Variants in MGAT4C observed in about 807,000 individuals in gnomAD.
MGAT4C encodes the protein alpha-1,3-mannosyl-glycoprotein 4-beta-N-acetylglucosaminyltransferase C.
In MGAT4C, 19 loss-of-function variants were observed where a neutral mutation model predicts 40.1. The observed-to-expected ratio is 0.47, with a 90% CI of 0.33 to 0.70. MGAT4C has a LOEUF of 0.70. Among genes scored for constraint, MGAT4C ranks in the 30% least tolerant of loss-of-function variants. The probability of loss-of-function intolerance (pLI) is 0.02; values close to 1 mark genes in which losing one functional copy is unlikely to be tolerated. For synonymous variants in MGAT4C, 181 were observed against 187.1 expected, an observed-to-expected ratio of 0.97 and a Z score of 0.27; for missense variants, 491 against 563.2, an observed-to-expected ratio of 0.87 and a Z score of 1.30.
At chr12:86,348,177 T>A (rs1592724667) in intron 3 of MGAT4C, among the ~76,000 whole-genome samples, 1 of 152,300 alleles carries the variant, frequency 6.6e-6, no homozygotes, top group Middle Eastern at 3.4e-3. Flanking sequence ...TTCCACATTT[T>A]ACTTTACCTG....
chr12:86,718,995 A>T (rs763079198), intron 2 of MGAT4C, among the ~76,000 whole-genome samples: 6 of 152,194 alleles, frequency 3.9e-5, no homozygotes, highest in Non-Finnish European at 8.8e-5. Context: ...ATGTCCTCAA[A>T]AAGACTGGCA....
chr12:86,151,783 G>A (rs1370271085), intron 1 of MGAT4C, among the ~76,000 whole-genome samples: 3 of 152,248 alleles, frequency 2.0e-5, no homozygotes, highest in South Asian at 2.1e-4. Flanking sequence ...AATTGAGCAT[G>A]GCTCATAGTC....
chr12:86,408,479 C>CTCTCTCTCTCTCTATATATATATATA (rs1267344319), intron 3 of MGAT4C, among the ~76,000 whole-genome samples: 1 of 63,344 alleles, frequency 1.6e-5, no homozygotes, highest in African/African-American at 7.8e-5. Context: ...CTCTCTCTCT[C>CTCTCTCTCTCTCTATATATATATATA]TATATATATA....
At chr12:86,661,436 T>G (rs908872795) in intron 2 of MGAT4C, among the ~76,000 whole-genome samples, 1 of 151,958 alleles carries the variant, frequency 6.6e-6, no homozygotes, top group Admixed American at 6.6e-5. Context: ...TGTCATAAGG[T>G]AAAATATAAA....
chr12:86,681,655 A>T (rs1949984418), intron 2 of MGAT4C, among the ~76,000 whole-genome samples: 1 of 151,998 alleles, frequency 6.6e-6, no homozygotes, highest in South Asian at 2.1e-4. Flanking sequence ...ATTAGCAATT[A>T]TCATGTAGTT....
intron 4 of MGAT4C, among the ~76,000 whole-genome samples, chr12:86,300,243 T>C (rs759860632): frequency 2.6e-4 from 39 of 152,330 alleles, no homozygotes; most frequent in Non-Finnish European, 4.3e-4. Flanking sequence ...CACACTGTGA[T>C]GCAGGTCATC....
chr12:86,280,314 G>A (rs1180988973), intron 4 of MGAT4C, among the ~76,000 whole-genome samples: 4 of 151,706 alleles, frequency 2.6e-5, no homozygotes, highest in South Asian at 2.1e-4. Context: ...ATATATCTAC[G>A]TTCTCCAGTG....
At chr12:86,294,444 C>G (rs1429333437) in intron 4 of MGAT4C, among the ~76,000 whole-genome samples, 2 of 151,910 alleles carry the variant, frequency 1.3e-5, no homozygotes, top group African/African-American at 4.8e-5. Flanking sequence ...ATCTTCCTGT[C>G]TAGCACCACA....
intron 2 of MGAT4C, among the ~76,000 whole-genome samples, chr12:86,487,487 C>T (rs1025523094): frequency 6.6e-6 from 1 of 152,076 alleles, no homozygotes; most frequent in African/African-American, 2.4e-5. Flanking sequence ...CATAAACTTA[C>T]CAATTTAGAA....
At chr12:86,588,543 C>A (rs1961171167) in intron 2 of MGAT4C, among the ~76,000 whole-genome samples, 4 of 151,936 alleles carry the variant, frequency 2.6e-5, no homozygotes, top group Admixed American at 2.6e-4. Context: ...CAGCTCGGCA[C>A]CAAGTGGACC....
chr12:86,131,115 G>A (rs1041453606), intron 1 of MGAT4C, among the ~76,000 whole-genome samples: 1 of 152,048 alleles, frequency 6.6e-6, no homozygotes, highest in African/African-American at 2.4e-5. Context: ...GACAGATCAT[G>A]CCAATTACTA....
intron 1 of MGAT4C, among the ~76,000 whole-genome samples, chr12:86,112,199 G>T (rs1156271009): frequency 6.6e-6 from 1 of 151,794 alleles, no homozygotes; most frequent in East Asian, 1.9e-4. Context: ...GCAACATTTA[G>T]CTCTCTGTAG....
At chr12:86,412,088 T>C (rs905984647) in intron 3 of MGAT4C, among the ~76,000 whole-genome samples, 5 of 152,198 alleles carry the variant, frequency 3.3e-5, no homozygotes, top group Admixed American at 3.3e-4. Flanking sequence ...TATCTATGTA[T>C]GGAAACACCT....
At chr12:86,164,945 A>C (rs1289116381) in intron 1 of MGAT4C, among the ~76,000 whole-genome samples, 2 of 152,196 alleles carry the variant, frequency 1.3e-5, no homozygotes, top group Non-Finnish European at 2.9e-5. Flanking sequence ...TGAACTAAAA[A>C]ATTCATTTAG....
intron 2 of MGAT4C, among the ~76,000 whole-genome samples, chr12:86,477,929 A>T (rs1211889017): frequency 6.6e-6 from 1 of 152,126 alleles, no homozygotes; most frequent in African/African-American, 2.4e-5. Flanking sequence ...TTAATGTATA[A>T]AACAGTCTTC....
At chr12:86,554,214 C>G (rs1959503474) in intron 2 of MGAT4C, among the ~76,000 whole-genome samples, 1 of 151,982 alleles carries the variant, frequency 6.6e-6, no homozygotes, top group Admixed American at 6.6e-5. Context: ...TCTCATATTT[C>G]TTAAAAGTCA....
At chr12:86,264,552 C>G (rs1212735254) in intron 4 of MGAT4C, among the ~76,000 whole-genome samples, 1 of 152,144 alleles carries the variant, frequency 6.6e-6, no homozygotes, top group Non-Finnish European at 1.5e-5. Context: ...TCCGAGTTAG[C>G]TGGGCAGGAG....
chr12:86,499,891 A>G lies in MGAT4C; in HGVS notation c.-228-64626T>C, dbSNP rs545895982. 5.9e-5 allele frequency among the ~76,000 whole-genome samples: 9 copies of G among 152,096 alleles called. No homozygotes were observed. The East Asian group carries it at 1.5e-3, about 26-fold the overall frequency. Reference sequence around the variant, plus strand: ...AGCCAAAAATGAAGTTTCCAGGATCATGGAGAGAAGACAAACATATGGAAG... The same window carrying G: ...AGCCAAAAATGAAGTTTCCAGGATCGTGGAGAGAAGACAAACATATGGAAG... On this transcript the variant is annotated intron_variant, in intron 2 of 7. Coordinates refer to the MGAT4C transcript ENST00000548651.
At chr12:86,587,926 T>A (rs1961137536) in intron 2 of MGAT4C, among the ~76,000 whole-genome samples, 2 of 151,912 alleles carry the variant, frequency 1.3e-5, no homozygotes, top group Non-Finnish European at 2.9e-5. Context: ...TTTTCCTAAT[T>A]GAATACCCTT....
Sources: allele counts gnomAD v4.1 joint callset (sites outside exome capture counted in the v4.1 genomes callset), GRCh38; gene constraint gnomAD v4.1.1; transcripts MANE v1.5; gene names NCBI Gene and HGNC (gene_info 2026-07-23, HGNC 2026-07-21).